Variants in NT5DC1 observed in about 807,000 individuals in gnomAD.
The protein encoded by NT5DC1 is 5'-nucleotidase domain containing 1, also known as 5'-nucleotidase domain-containing protein 1.
In NT5DC1, 42 loss-of-function variants were observed where a neutral mutation model predicts 59.4. The ratio of observed to expected loss-of-function variants is 0.71; its 90% CI spans 0.55 to 0.92. NT5DC1 has a LOEUF of 0.92. Among genes scored for constraint, NT5DC1 ranks in the 40% least tolerant of loss-of-function variants. NT5DC1 has a pLI of 0.00. For missense variants in NT5DC1, 501 were observed against 537.1 expected (o/e 0.93, Z 0.66); for synonymous variants, 172 against 188.1 (o/e 0.91, Z 0.70).
chr6:116,148,826 A>G (rs562170618), intron 6 of NT5DC1, among the ~76,000 whole-genome samples: 16 of 152,194 alleles, frequency 1.1e-4, no homozygotes, highest in Non-Finnish European at 1.8e-4. Context: ...AGTCATTTCT[A>G]TAAGTCAAAA....
chr6:116,128,705 C>A (rs1779385763), intron 6 of NT5DC1, among the ~76,000 whole-genome samples: 1 of 152,000 alleles, frequency 6.6e-6, no homozygotes, highest in Non-Finnish European at 1.5e-5. Context: ...GCCTCTTTTC[C>A]CCACTCCTGC....
At chr6:116,172,317 CT>C (rs71554843) in intron 6 of NT5DC1, among the ~76,000 whole-genome samples, 4,074 of 107,900 alleles carry the variant, frequency 0.038, 85 homozygotes, top group African/African-American at 0.14. Context: ...CCCTTAGTAA[CT>C]TTTTTTTTTT....
intron 6 of NT5DC1, among the ~76,000 whole-genome samples, chr6:116,210,765 A>G (rs924269894): frequency 6.6e-6 from 1 of 152,100 alleles, no homozygotes; most frequent in African/African-American, 2.4e-5. Context: ...TTAATGCCAT[A>G]GGAAATTCCT....
intron 10 of NT5DC1, 131 bp downstream of exon 10, chr6:116,238,479 A>G (rs901902392): frequency 2.2e-6 from 1 of 458,010 alleles, no homozygotes; most frequent in African/African-American, 2.0e-5. Flanking sequence ...AAAAAAAAAA[A>G]AAAAAGAGAC....
chr6:116,241,944 CA>C (rs1173659223), intron 11 of NT5DC1, among the ~76,000 whole-genome samples: 12,736 of 34,380 alleles, frequency 0.37, 880 homozygotes, highest in Middle Eastern at 0.44. Context: ...AAAAACAAAA[CA>C]AAAAAAAAAA....
intron 6 of NT5DC1, among the ~76,000 whole-genome samples, chr6:116,191,764 A>G (rs1287834674): frequency 2.6e-5 from 4 of 152,040 alleles, no homozygotes; most frequent in Non-Finnish European, 4.4e-5. Flanking sequence ...GTTTCTCCTA[A>G]TACTTCAATC....
chr6:116,208,521 T>C (rs1781505700), intron 6 of NT5DC1, among the ~76,000 whole-genome samples: 1 of 152,066 alleles, frequency 6.6e-6, no homozygotes, highest in East Asian at 1.9e-4. Context: ...GCACAGTTAA[T>C]TTGTAAGGCT....
At chr6:116,210,257 G>T (rs1026290605) in intron 6 of NT5DC1, among the ~76,000 whole-genome samples, 3 of 151,694 alleles carry the variant, frequency 2.0e-5, no homozygotes, top group Non-Finnish European at 2.9e-5. Context: ...TATATGTAAG[G>T]TTCAAAAAGA....
At chr6:116,202,948 G>A (rs1781377091) in intron 6 of NT5DC1, among the ~76,000 whole-genome samples, 1 of 151,848 alleles carries the variant, frequency 6.6e-6, no homozygotes, top group Admixed American at 6.6e-5. Context: ...AAGGGAGGGA[G>A]GGGCTGTCTC....
intron 6 of NT5DC1, among the ~76,000 whole-genome samples, chr6:116,161,975 A>G (rs1392007404): frequency 6.6e-6 from 1 of 151,968 alleles, no homozygotes; most frequent in Non-Finnish European, 1.5e-5. Flanking sequence ...TTGTATGGCT[A>G]TTGTAAATGG....
At position 116,244,164 on chromosome 6, in the gene NT5DC1, A is replaced by G. The variant is rs2114568633; in HGVS notation, c.*140A>G. 1 of 473,386 alleles carries G rather than the reference A, an allele frequency of 2.1e-6. No individual in the cohort carries two copies. Among genetic ancestry groups the G allele is most frequent in the Non-Finnish European group, 3.8e-6 (1 of 264,370 alleles). 29.3% of individuals were successfully genotyped at this position (473,386 alleles called of 1,614,324 possible). On this transcript the variant is annotated 3_prime_UTR_variant, in exon 12 of 12. Coordinates refer to ENST00000319550, the MANE Select transcript of NT5DC1 (RefSeq NM_152729.3). Reference sequence around the variant, plus strand: ...ATATTTGTCCATAGGTCTCCTTTCTATAAATCATCTTGATGTTTAACAACT... The same window carrying G: ...ATATTTGTCCATAGGTCTCCTTTCTGTAAATCATCTTGATGTTTAACAACT...
At chr6:116,231,946 T>C (rs1170822757) in intron 8 of NT5DC1, among the ~76,000 whole-genome samples, 1 of 152,208 alleles carries the variant, frequency 6.6e-6, no homozygotes, top group Non-Finnish European at 1.5e-5. Flanking sequence ...AGGGCTGCCG[T>C]AACAAAATAC....
chr6:116,111,309 G>A (rs1219014389), intron 4 of NT5DC1, among the ~76,000 whole-genome samples: 1 of 152,064 alleles, frequency 6.6e-6, no homozygotes, highest in Non-Finnish European at 1.5e-5. Context: ...ATTCCTCCAG[G>A]CATTCACATT....
intron 4 of NT5DC1, among the ~76,000 whole-genome samples, chr6:116,113,243 T>C (rs1019950930): frequency 6.6e-6 from 1 of 152,226 alleles, no homozygotes; most frequent in Non-Finnish European, 1.5e-5. Context: ...TTCTCATCTT[T>C]GAGTGGAGAT....
Position 116,120,849 on chromosome 6 carries a change from G to A in NT5DC1, c.529+2904G>A, listed in dbSNP as rs759211032. On this transcript the variant is annotated intron_variant, in intron 6 of 11. Transcript: ENST00000319550. ...CCCTTTGCTCCTGCTGGGCCCACAG[G>A]GCCTGGGAGACCAGGAGGTCCTCCA... The A allele has an allele frequency of 6.8e-6, 11 of 1,614,004 alleles. No homozygotes were observed. Among genetic ancestry groups the A allele is most frequent in the Non-Finnish European group, 8.5e-6 (10 of 1,179,956 alleles).
At position 116,135,880 on chromosome 6, in the gene NT5DC1, T is replaced by C. The variant is rs11969363; in HGVS notation, c.529+17935T>C. On this transcript the variant is annotated intron_variant, in intron 6 of 11. Transcript: ENST00000319550. ...ATATATATATATATATATACACACA[T>C]ACACACACATTGCTAAATGGTTACC... Among the ~76,000 whole-genome samples, 240 of 123,178 alleles carry C rather than the reference T, an allele frequency of 1.9e-3. 1 individual carries two copies. The highest frequency in any genetic ancestry group is 8.7e-3 in the Middle Eastern group (2 of 230). 80.8% of individuals were successfully genotyped at this position (123,178 alleles called of 152,430 possible).
intron 6 of NT5DC1, among the ~76,000 whole-genome samples, chr6:116,214,044 A>G (rs1457893684): frequency 2.6e-5 from 4 of 152,106 alleles, no homozygotes. Context: ...CCATAATTTA[A>G]TGAGATTTTA....
chr6:116,171,331 A>T (rs1467364092), intron 6 of NT5DC1, among the ~76,000 whole-genome samples: 1 of 152,188 alleles, frequency 6.6e-6, no homozygotes, highest in Non-Finnish European at 1.5e-5. Flanking sequence ...GAAAAGCATT[A>T]TTTTGTGGAT....
chr6:116,122,432 C>G (rs1779159579), intron 6 of NT5DC1, among the ~76,000 whole-genome samples: 2 of 152,192 alleles, frequency 1.3e-5, no homozygotes, highest in African/African-American at 4.8e-5. Flanking sequence ...CTCTGCTGAA[C>G]ACAGGTTAGA....
Sources: gnomAD v4.1 joint callset for allele counts (sites outside exome capture counted in the v4.1 genomes callset) on GRCh38, gnomAD v4.1.1 for gene constraint, MANE v1.5 for transcripts, NCBI Gene and HGNC (gene_info 2026-07-23, HGNC 2026-07-21) for gene names.